MEIKIN: variants seen among roughly 807,000 people sequenced by gnomAD.
MEIKIN encodes meiotic kinetochore factor, also known as meiosis-specific kinetochore protein.
intron 8 of MEIKIN, among the ~76,000 whole-genome samples, chr5:131,898,868 C>T (rs563678513): frequency 6.6e-6 from 1 of 152,338 alleles, no homozygotes; most frequent in Non-Finnish European, 1.5e-5. Flanking sequence ...AATCCCCTGA[C>T]CCCTTGCACT....
chr5:131,842,778 C>A (rs1024650209), intron 11 of MEIKIN, among the ~76,000 whole-genome samples: 1 of 152,296 alleles, frequency 6.6e-6, no homozygotes, highest in East Asian at 1.9e-4. Flanking sequence ...TTACTCCACC[C>A]TTCCACATTT....
intron 6 of MEIKIN, among the ~76,000 whole-genome samples, chr5:131,917,969 A>G (rs938329147): frequency 1.3e-5 from 2 of 152,196 alleles, no homozygotes; most frequent in African/African-American, 4.8e-5. Flanking sequence ...GGCATAGCCT[A>G]TAACTCAATG....
In MEIKIN at chr5:131,819,598, C is replaced by CT. The variant is rs34041769; in HGVS notation, c.976-736dup. ...TAAATAAAGTCTATATAGAAACTTC[C>CT]TTTTTTTTTTTTTTTTCTTGAGACA... On this transcript the variant is annotated intron_variant, in intron 11 of 12. Coordinates refer to ENST00000442687, the MANE Select transcript of MEIKIN (RefSeq NM_001303622.2). Among the ~76,000 whole-genome samples, 134 of 130,644 alleles carry CT rather than the reference C, an allele frequency of 1.0e-3. 2 individuals are homozygous for CT. The highest frequency in any genetic ancestry group is 1.9e-3 in the South Asian group (8 of 4,122). The allele number at this position is 130,644 out of a possible 152,430, so 85.7% of individuals were successfully genotyped here.
chr5:131,888,497 A>G (rs543539868), intron 8 of MEIKIN, among the ~76,000 whole-genome samples: 12 of 152,340 alleles, frequency 7.9e-5, no homozygotes, highest in African/African-American at 2.6e-4. Context: ...CGTTGGCTGC[A>G]TAAATGTCTT....
intron 8 of MEIKIN, among the ~76,000 whole-genome samples, chr5:131,890,205 C>T (rs558113435): frequency 4.6e-5 from 7 of 152,282 alleles, no homozygotes; most frequent in South Asian, 4.1e-4. Flanking sequence ...CAGGATGATG[C>T]TGGCCTCATA....
intron 8 of MEIKIN, among the ~76,000 whole-genome samples, chr5:131,895,602 C>T (rs1260819782): frequency 1.3e-5 from 2 of 152,112 alleles, no homozygotes; most frequent in African/African-American, 4.8e-5. Context: ...CAACTTCTTC[C>T]TGGTTTAGTC....
intron 5 of MEIKIN, among the ~76,000 whole-genome samples, chr5:131,928,101 G>A (rs920910160): frequency 3.5e-5 from 5 of 142,228 alleles, no homozygotes; most frequent in Admixed American, 2.2e-4. Flanking sequence ...TTGAGATCGC[G>A]CCACTGCACT....
intron 7 of MEIKIN, among the ~76,000 whole-genome samples, chr5:131,914,758 C>T (rs904226642): frequency 6.6e-6 from 1 of 152,042 alleles, no homozygotes; most frequent in Non-Finnish European, 1.5e-5. Flanking sequence ...TCCTCCACAC[C>T]TTCCAGTCTA....
chr5:131,860,618 T>TA (rs113989466), intron 9 of MEIKIN, among the ~76,000 whole-genome samples: 96,591 of 151,106 alleles, frequency 0.64, 32,799 homozygotes, highest in Non-Finnish European at 0.77. Flanking sequence ...ATAATTTTTT[T>TA]TTTTATTTTT....
chr5:131,812,296 T>C (rs1772973379), intron 12 of MEIKIN, among the ~76,000 whole-genome samples: 1 of 152,246 alleles, frequency 6.6e-6, no homozygotes, highest in African/African-American at 2.4e-5. Flanking sequence ...TATACCATAG[T>C]TGATCCATTT....
intron 5 of MEIKIN, among the ~76,000 whole-genome samples, chr5:131,930,327 T>A (rs1195230578): frequency 6.6e-6 from 1 of 152,264 alleles, no homozygotes; most frequent in Non-Finnish European, 1.5e-5. Flanking sequence ...CTCTGCCCAT[T>A]TTTTAATAGG....
At chr5:131,878,547 A>C (rs1180997179) in intron 9 of MEIKIN, among the ~76,000 whole-genome samples, 1 of 152,086 alleles carries the variant, frequency 6.6e-6, no homozygotes, top group African/African-American at 2.4e-5. Context: ...ACCCTGGATG[A>C]CAGAGTGAAA....
chr5:131,925,865 A>G (rs1291311169), intron 5 of MEIKIN, among the ~76,000 whole-genome samples: 1 of 151,940 alleles, frequency 6.6e-6, no homozygotes, highest in Non-Finnish European at 1.5e-5. Context: ...AAGGGCTTTC[A>G]CCATTTTGGC....
chr5:131,862,417 AT>A (rs572153216), intron 9 of MEIKIN, among the ~76,000 whole-genome samples: 155 of 151,776 alleles, frequency 1.0e-3, no homozygotes, highest in Non-Finnish European at 2.0e-3. Flanking sequence ...GATACTTTGT[AT>A]TTTTTTAGTC....
rs1751509832 is a variant in MEIKIN at position 131,921,804 on chromosome 5, CCT to C, written c.598+16_598+17del. The C allele has an allele frequency of 2.5e-6, 1 of 398,762 alleles. No individual in the cohort carries two copies. The highest frequency in any genetic ancestry group is 4.4e-5 in the Admixed American group (1 of 22,718). The allele number at this position is 398,762 out of a possible 1,614,324, so 24.7% of individuals were successfully genotyped here. A position where few individuals can be genotyped will look rare whatever the true frequency, so the allele number is the denominator to read the frequency against. ...TTCCAACATAGATGAGAAATGTTCC[CCT>C]GTGTGTGCAACTCACTGAAAATTGC... is the stretch of plus-strand genomic sequence containing the variant. On this transcript the variant is annotated intron_variant, in intron 6 of 12. Transcript: ENST00000442687.
At chr5:131,887,313 G>A (rs1314311720) in intron 8 of MEIKIN, among the ~76,000 whole-genome samples, 1 of 152,114 alleles carries the variant, frequency 6.6e-6, no homozygotes, top group East Asian at 1.9e-4. Flanking sequence ...GTGTGCATGT[G>A]TCTTTATAGT....
intron 8 of MEIKIN, among the ~76,000 whole-genome samples, chr5:131,884,777 T>C (rs900485329): frequency 9.3e-5 from 14 of 150,270 alleles, no homozygotes; most frequent in African/African-American, 3.2e-4. Context: ...TTTCTGGATG[T>C]GCCCTGGGCC....
chr5:131,893,602 A>C (rs1750978703), intron 8 of MEIKIN, among the ~76,000 whole-genome samples: 1 of 152,092 alleles, frequency 6.6e-6, no homozygotes, highest in South Asian at 2.1e-4. Flanking sequence ...ACTGTCCTGC[A>C]CCCACTTTCC....
chr5:131,865,173 C>G (rs1385302469), intron 9 of MEIKIN, among the ~76,000 whole-genome samples: 4 of 150,762 alleles, frequency 2.7e-5, no homozygotes, highest in Non-Finnish European at 5.9e-5. Flanking sequence ...TTGCATCTCA[C>G]CAAGCTTCTT....
Sources: gnomAD v4.1 joint callset for allele counts (sites outside exome capture counted in the v4.1 genomes callset) on GRCh38, gnomAD v4.1.1 for gene constraint, MANE v1.5 for transcripts, NCBI Gene and HGNC (gene_info 2026-07-23, HGNC 2026-07-21) for gene names.